DGKG: variants seen among roughly 807,000 people sequenced by gnomAD.
DGKG encodes the protein DAG kinase gamma.
DGKG carries 78 observed loss-of-function variants against 105.3 expected under a neutral mutation model. The observed-to-expected ratio is 0.74, with a 90% CI of 0.62 to 0.89. The LOEUF (loss-of-function observed/expected upper bound fraction) is 0.89, where lower values mean the gene tolerates loss of function less well. Among genes scored for constraint, DGKG ranks in the 40% least tolerant of loss-of-function variants. The probability of loss-of-function intolerance (pLI) is 0.00; values close to 1 mark genes in which losing one functional copy is unlikely to be tolerated. For missense variants in DGKG, 958 were observed against 1,020.1 expected, an observed-to-expected ratio of 0.94 and a Z score of 0.83; for synonymous variants, 346 against 367.1, an observed-to-expected ratio of 0.94 and a Z score of 0.66.
intron 18 of DGKG, among the ~76,000 whole-genome samples, chr3:186,252,774 C>A (rs1486361790): frequency 6.6e-6 from 1 of 152,148 alleles, no homozygotes; most frequent in East Asian, 1.9e-4. Flanking sequence ...GGGGATGGGA[C>A]ATATGAGACT....
At chr3:186,358,269 T>G (rs1727067937) in intron 1 of DGKG, among the ~76,000 whole-genome samples, 1 of 152,266 alleles carries the variant, frequency 6.6e-6, no homozygotes, top group African/African-American at 2.4e-5. Context: ...GACTTCGCCA[T>G]AGCGAGGTAA....
At chr3:186,264,543 C>T (rs552125107) in intron 14 of DGKG, among the ~76,000 whole-genome samples, 2 of 152,220 alleles carry the variant, frequency 1.3e-5, no homozygotes. Context: ...CGATGACAGG[C>T]GTGAGCCACT....
intron 19 of DGKG, among the ~76,000 whole-genome samples, 188 bp downstream of exon 19, chr3:186,251,571 G>C (rs544849712): frequency 6.3e-4 from 96 of 152,276 alleles, no homozygotes; most frequent in African/African-American, 2.1e-3. Context: ...CAAGAGATGG[G>C]GAATAAAGCG....
chr3:186,310,273 A>AAAAAAAAAAAC, intron 2 of DGKG, among the ~76,000 whole-genome samples: 1 of 145,846 alleles, frequency 6.9e-6, no homozygotes, highest in African/African-American at 2.6e-5. Context: ...CTCAAAAAAA[A>AAAAAAAAAAAC]AAAAAAAAAA....
At chr3:186,306,575 G>T in intron 3 of DGKG, 1 of 245,868 alleles carries the variant, frequency 4.1e-6, no homozygotes, top group Non-Finnish European at 7.9e-6. Flanking sequence ...GGGCCTATGG[G>T]GTGAGGGAGC....
chr3:186,280,498 C>T (rs574608405), intron 8 of DGKG, among the ~76,000 whole-genome samples, 172 bp downstream of exon 8: 1 of 152,278 alleles, frequency 6.6e-6, no homozygotes, highest in African/African-American at 2.4e-5. Flanking sequence ...CTGCTGCCTA[C>T]ATTTTTCCTA....
intron 3 of DGKG, among the ~76,000 whole-genome samples, chr3:186,301,773 C>T (rs1450097309): frequency 6.6e-6 from 1 of 152,138 alleles, no homozygotes; most frequent in African/African-American, 2.4e-5. Context: ...AAATAGAAGG[C>T]CTAATATGCA....
chr3:186,235,585 C>T (rs2108544906), intron 20 of DGKG, among the ~76,000 whole-genome samples: 1 of 152,274 alleles, frequency 6.6e-6, no homozygotes, highest in Middle Eastern at 3.4e-3. Flanking sequence ...AGAAGGGTTT[C>T]ATTTTTAGAT....
intron 20 of DGKG, among the ~76,000 whole-genome samples, chr3:186,239,341 T>A (rs1578709134): frequency 6.6e-6 from 1 of 152,212 alleles, no homozygotes; most frequent in East Asian, 1.9e-4. Context: ...AGAACCTCAG[T>A]TCAGCTGAGT....
intron 5 of DGKG, among the ~76,000 whole-genome samples, chr3:186,290,902 G>C (rs1337018608): frequency 6.6e-6 from 1 of 152,204 alleles, no homozygotes. Flanking sequence ...ACTAGGATTA[G>C]AGCGAATAAT....
chr3:186,256,186 C>T (rs1477976607), intron 17 of DGKG, among the ~76,000 whole-genome samples: 9 of 151,732 alleles, frequency 5.9e-5, no homozygotes, highest in Admixed American at 2.6e-4. Flanking sequence ...GACAGGAGAG[C>T]GTGGGTGGCT....
intron 3 of DGKG, among the ~76,000 whole-genome samples, chr3:186,303,589 T>G (rs1560144471): frequency 6.6e-6 from 1 of 152,144 alleles, no homozygotes; most frequent in African/African-American, 2.4e-5. Flanking sequence ...TTTGACAACA[T>G]AAATAACTTG....
intron 17 of DGKG, 113 bp downstream of exon 17, chr3:186,257,741 A>G (rs1440934704): frequency 2.6e-6 from 2 of 773,480 alleles, no homozygotes; most frequent in African/African-American, 3.5e-5. Context: ...CCAGGGGAAG[A>G]TACAAGGATG....
chr3:186,280,067 G>A, intron 8 of DGKG, 94 bp from the exon 9 acceptor site: 1 of 1,521,416 alleles, frequency 6.6e-7, no homozygotes, highest in Non-Finnish European at 9.0e-7. Context: ...TGCATTATCT[G>A]GTTTGTGTTT....
chr3:186,148,350 G>C lies in DGKG; in HGVS notation c.*1740C>G, dbSNP rs565479957. The C allele has an allele frequency of 5.1e-6, 5 of 985,334 alleles. No individual in the cohort carries two copies. The African/African-American group carries it at 8.7e-5, about 17-fold the overall frequency. The allele number at this position is 985,334 out of a possible 1,614,324, so 61.0% of individuals were successfully genotyped here. On this transcript the variant is annotated 3_prime_UTR_variant, in exon 25 of 25. Transcript: ENST00000265022. The stretch of plus-strand genomic sequence containing the variant: ...CAAACTAAGAGACTATGATGACCAT[G>C]ATGAGGTGACATGTGGAGAGTTCAG...
At chr3:186,222,025 C>G (rs1263302528) in intron 20 of DGKG, among the ~76,000 whole-genome samples, 1 of 152,170 alleles carries the variant, frequency 6.6e-6, no homozygotes, top group Admixed American at 6.5e-5. Context: ...CACGTCTACC[C>G]CCTGCGGTAG....
chr3:186,224,805 A>G (rs774184621), intron 20 of DGKG, among the ~76,000 whole-genome samples: 4 of 127,008 alleles, frequency 3.1e-5, no homozygotes, highest in Non-Finnish European at 6.1e-5. Flanking sequence ...TACATACTTT[A>G]ATACATGCTG....
At chr3:186,246,687 C>T (rs1334018975) in intron 19 of DGKG, among the ~76,000 whole-genome samples, 1 of 152,122 alleles carries the variant, frequency 6.6e-6, no homozygotes, top group South Asian at 2.1e-4. Context: ...TGACAAATAA[C>T]CTGGTGCCAG....
At chr3:186,294,299 G>A (rs1723443594) in intron 5 of DGKG, among the ~76,000 whole-genome samples, 2 of 152,144 alleles carry the variant, frequency 1.3e-5, no homozygotes, top group Admixed American at 1.3e-4. Context: ...AGACAATTTG[G>A]AACCTCAGTG....
Sources: gnomAD v4.1 joint callset for allele counts (sites outside exome capture counted in the v4.1 genomes callset) on GRCh38, gnomAD v4.1.1 for gene constraint, MANE v1.5 for transcripts, NCBI Gene and HGNC (gene_info 2026-07-23, HGNC 2026-07-21) for gene names.